PRKCA: variants seen among roughly 807,000 people sequenced by gnomAD.
PRKCA encodes protein kinase C alpha type.
In PRKCA, 27 loss-of-function variants were observed where a neutral mutation model predicts 87.0. The ratio of observed to expected loss-of-function variants is 0.31; its 90% CI spans 0.23 to 0.43. The LOEUF (loss-of-function observed/expected upper bound fraction) is 0.43, where lower values mean the gene tolerates loss of function less well. Among genes scored for constraint, PRKCA ranks in the 20% least tolerant of loss-of-function variants. The pLI, the probability that PRKCA is intolerant of heterozygous loss-of-function variation, is 1.00. For synonymous variants in PRKCA, 329 were observed against 311.1 expected, an observed-to-expected ratio of 1.06 and a Z score of -0.61; for missense variants, 518 against 852.3, an observed-to-expected ratio of 0.61 and a Z score of 4.88.
intron 16 of PRKCA, among the ~76,000 whole-genome samples, chr17:66,802,378 C>T (rs559394233): frequency 6.6e-6 from 1 of 151,936 alleles, no homozygotes; most frequent in East Asian, 1.9e-4. Context: ...GTAGCTTCGT[C>T]GCTGGGCGTG....
chr17:66,704,946 G>A (rs370636307), intron 8 of PRKCA, among the ~76,000 whole-genome samples: 1 of 152,062 alleles, frequency 6.6e-6, no homozygotes. Context: ...TCTTCCAGTT[G>A]GGGGAAAAAT....
intron 13 of PRKCA, among the ~76,000 whole-genome samples, chr17:66,772,937 T>A (rs1399064724): frequency 1.3e-5 from 2 of 152,176 alleles, no homozygotes; most frequent in African/African-American, 2.4e-5. Context: ...ATCTCTTTTC[T>A]ATTTCACCCA....
At chr17:66,431,083 A>T (rs1236803436) in intron 2 of PRKCA, among the ~76,000 whole-genome samples, 1 of 152,180 alleles carries the variant, frequency 6.6e-6, no homozygotes, top group East Asian at 1.9e-4. Flanking sequence ...ACACTGGAAA[A>T]TTTATTCTTG....
At chr17:66,620,024 C>A (rs1277010388) in intron 3 of PRKCA, among the ~76,000 whole-genome samples, 1 of 152,122 alleles carries the variant, frequency 6.6e-6, no homozygotes, top group Non-Finnish European at 1.5e-5. Context: ...CACATGTTCC[C>A]TTAAATAGCC....
rs73992500 is a variant in PRKCA at position 66,375,862 on chromosome 17, G to A, written c.205+69735G>A. 9.5e-3 allele frequency among the ~76,000 whole-genome samples: 1,439 copies of A among 152,210 alleles called. 14 individuals carry two copies. Among genetic ancestry groups the A allele is most frequent in the African/African-American group, 0.032 (1,319 of 41,524 alleles). Reference sequence around the variant, plus strand: ...GGACCCGGCATGTGGCTTAATCCTCGTAAGCCTGGGTCCCTCAGACAACTG... The same window carrying A: ...GGACCCGGCATGTGGCTTAATCCTCATAAGCCTGGGTCCCTCAGACAACTG... On this transcript the variant is annotated intron_variant, in intron 2 of 16. Transcript: ENST00000413366.
rs35862551 is a variant in PRKCA, at chr17:66,310,074, G to A, written c.205+3947G>A. ...AACTCGATTTTTTTCCCCCTCCTTAGGCGGAGCAACACCCATGCACTTCTC... is the reference window on the plus strand; with the variant it reads ...AACTCGATTTTTTTCCCCCTCCTTAAGCGGAGCAACACCCATGCACTTCTC... On this transcript the variant is annotated intron_variant, in intron 2 of 16. Transcript: ENST00000413366. Among the ~76,000 whole-genome samples, 350 of 152,100 alleles carry A rather than the reference G, an allele frequency of 2.3e-3. 1 individual carries two copies. The highest frequency in any genetic ancestry group is 3.8e-3 in the Non-Finnish European group (259 of 67,998).
intron 3 of PRKCA, among the ~76,000 whole-genome samples, chr17:66,508,546 C>T (rs1917076771): frequency 6.6e-6 from 1 of 152,194 alleles, no homozygotes; most frequent in South Asian, 2.1e-4. Context: ...TTCCACCCTG[C>T]AAGCCATTGC....
At chr17:66,530,866 AT>A (rs1446500749) in intron 3 of PRKCA, among the ~76,000 whole-genome samples, 1 of 151,194 alleles carries the variant, frequency 6.6e-6, no homozygotes, top group African/African-American at 2.5e-5. Flanking sequence ...TAAAAAAAAA[AT>A]CATCTTTGTG....
chr17:66,643,014 T>G (rs1196078463), intron 4 of PRKCA, among the ~76,000 whole-genome samples: 1 of 152,070 alleles, frequency 6.6e-6, no homozygotes, highest in African/African-American at 2.4e-5. Context: ...CACTCCAGCC[T>G]GGGCAAACAA....
intron 2 of PRKCA, among the ~76,000 whole-genome samples, chr17:66,435,739 A>G (rs1022788810): frequency 2.6e-5 from 4 of 152,204 alleles, no homozygotes; most frequent in Admixed American, 1.3e-4. Flanking sequence ...ATGAGCAAGC[A>G]TGGAGGACTT....
At chr17:66,498,965 C>A (rs1916602679) in intron 3 of PRKCA, among the ~76,000 whole-genome samples, 1 of 152,138 alleles carries the variant, frequency 6.6e-6, no homozygotes, top group African/African-American at 2.4e-5. Context: ...AAGAGTTTAA[C>A]CTTAAGGGCT....
chr17:66,440,774 C>T (rs1913696316), intron 2 of PRKCA, among the ~76,000 whole-genome samples: 1 of 152,060 alleles, frequency 6.6e-6, no homozygotes, highest in Non-Finnish European at 1.5e-5. Flanking sequence ...GCCGGGAACC[C>T]CAGCACTTTG....
intron 3 of PRKCA, among the ~76,000 whole-genome samples, chr17:66,605,321 C>G (rs564216876): frequency 6.6e-6 from 1 of 152,262 alleles, no homozygotes; most frequent in African/African-American, 2.4e-5. Flanking sequence ...GACTCCAAAG[C>G]TGGTGCTTTT....
intron 8 of PRKCA, among the ~76,000 whole-genome samples, chr17:66,724,275 G>A (rs956324585): frequency 1.4e-5 from 2 of 147,458 alleles, no homozygotes; most frequent in African/African-American, 5.1e-5. Flanking sequence ...CAGCCTGGGC[G>A]ACAGAGCGAG....
At chr17:66,374,822 G>A (rs1909329813) in intron 2 of PRKCA, among the ~76,000 whole-genome samples, 1 of 151,118 alleles carries the variant, frequency 6.6e-6, no homozygotes, top group African/African-American at 2.4e-5. Context: ...CTGCTTCCTG[G>A]GTTCAAGCAG....
At chr17:66,788,380 G>C (rs1975451790) in intron 15 of PRKCA, among the ~76,000 whole-genome samples, 1 of 152,134 alleles carries the variant, frequency 6.6e-6, no homozygotes, top group Non-Finnish European at 1.5e-5. Flanking sequence ...TAATCTATGA[G>C]TCTTTGATTG....
intron 3 of PRKCA, among the ~76,000 whole-genome samples, chr17:66,543,651 C>T (rs1968057669): frequency 6.6e-6 from 1 of 152,156 alleles, no homozygotes; most frequent in Admixed American, 6.5e-5. Flanking sequence ...ATTTATCAGG[C>T]AGATTTTATA....
intron 2 of PRKCA, among the ~76,000 whole-genome samples, chr17:66,450,092 T>A (rs1914233854): frequency 6.6e-6 from 1 of 151,720 alleles, no homozygotes; most frequent in Admixed American, 6.6e-5. Context: ...TGGAATTACA[T>A]TTTTATCCCA....
At position 66,323,563 on chromosome 17, in the gene PRKCA, G is replaced by A. The variant is rs1905803672; in HGVS notation, c.205+17436G>A. Among the ~76,000 whole-genome samples the A allele has an allele frequency of 2.0e-5, 3 of 152,162 alleles. No individual in the cohort carries two copies. The South Asian group carries it at 6.2e-4, about 32-fold the overall frequency. On this transcript the variant is annotated intron_variant, in intron 2 of 16. Coordinates refer to ENST00000413366, the MANE Select transcript of PRKCA (RefSeq NM_002737.3). ...TCTAAATGTATTTAATATGTTCATTGGACCTCTATGCAGATTGAGTTTTTA... is the reference window on the plus strand; with the variant it reads ...TCTAAATGTATTTAATATGTTCATTAGACCTCTATGCAGATTGAGTTTTTA...
Sources: allele counts gnomAD v4.1 joint callset (sites outside exome capture counted in the v4.1 genomes callset), GRCh38; gene constraint gnomAD v4.1.1; transcripts MANE v1.5; gene names NCBI Gene and HGNC (gene_info 2026-07-23, HGNC 2026-07-21).